The following DPP10 variants were observed in gnomAD, a reference collection of about 807,000 sequenced individuals.
DPP10 encodes the protein inactive dipeptidyl peptidase 10.
DPP10 carries 33 observed loss-of-function variants against 120.9 expected under a neutral mutation model. The ratio of observed to expected loss-of-function variants is 0.27; its 90% CI spans 0.21 to 0.37. The LOEUF (loss-of-function observed/expected upper bound fraction) is 0.37. Among genes scored for constraint, DPP10 ranks in the 10% least tolerant of loss-of-function variants. The pLI is 1.00. For synonymous variants in DPP10, 337 were observed against 326.1 expected, an observed-to-expected ratio of 1.03 and a Z score of -0.36; for missense variants, 816 against 942.8, an observed-to-expected ratio of 0.87 and a Z score of 1.76.
chr2:115,335,788 A>G (rs1443574415), intron 2 of DPP10, among the ~76,000 whole-genome samples: 1 of 152,042 alleles, frequency 6.6e-6, no homozygotes, highest in Non-Finnish European at 1.5e-5. Flanking sequence ...AGACTATCCC[A>G]TATGACACTA....
rs189597706 is a variant in DPP10, at chr2:115,105,968, T to G, written c.61-203271T>G. On this transcript the variant is annotated intron_variant, in intron 1 of 25. Transcript: ENST00000410059. Reference sequence around the variant, plus strand: ...AACACAAACCTTCTAATTTTTATTTTTTAATGTAACTTAGAGGCTTTAAGT... The same window carrying G: ...AACACAAACCTTCTAATTTTTATTTGTTAATGTAACTTAGAGGCTTTAAGT... Among the ~76,000 whole-genome samples the G allele has an allele frequency of 2.1e-4, 32 of 152,324 alleles. No individual in the cohort carries two copies. The East Asian group carries it at 6.2e-3, about 29-fold the overall frequency.
chr2:115,560,177 T>C (rs749428594), intron 5 of DPP10, among the ~76,000 whole-genome samples: 70 of 150,160 alleles, frequency 4.7e-4, no homozygotes, highest in Middle Eastern at 3.5e-3. Flanking sequence ...GAGACCATCC[T>C]GGCTAACACG....
intron 1 of DPP10, among the ~76,000 whole-genome samples, chr2:114,559,067 C>T (rs1353847388): frequency 2.6e-5 from 4 of 152,178 alleles, no homozygotes; most frequent in African/African-American, 4.8e-5. Context: ...TCCCCATGTC[C>T]CACATACACC....
At chr2:115,294,657 T>A (rs2060804433) in intron 1 of DPP10, among the ~76,000 whole-genome samples, 1 of 152,114 alleles carries the variant, frequency 6.6e-6, no homozygotes, top group South Asian at 2.1e-4. Flanking sequence ...ACCTTATCAA[T>A]TGTGACTATC....
intron 1 of DPP10, among the ~76,000 whole-genome samples, chr2:114,974,895 T>TA (rs1191961896): frequency 6.6e-6 from 1 of 151,864 alleles, no homozygotes; most frequent in Non-Finnish European, 1.5e-5. Flanking sequence ...TAATAATATA[T>TA]AAAAAATCTG....
intron 3 of DPP10, among the ~76,000 whole-genome samples, chr2:115,481,993 A>C (rs2075459564): frequency 6.6e-6 from 1 of 152,046 alleles, no homozygotes; most frequent in African/African-American, 2.4e-5. Flanking sequence ...AGTTGGTAAA[A>C]AGTTAAACTT....
At chr2:115,646,298 G>C (rs183732567) in intron 5 of DPP10, among the ~76,000 whole-genome samples, 2 of 152,244 alleles carry the variant, frequency 1.3e-5, no homozygotes, top group East Asian at 3.9e-4. Context: ...ATTAAAAATA[G>C]CATGTTCTAC....
intron 1 of DPP10, among the ~76,000 whole-genome samples, chr2:114,840,049 C>A (rs1036563348): frequency 6.6e-6 from 1 of 152,110 alleles, no homozygotes; most frequent in Non-Finnish European, 1.5e-5. Flanking sequence ...TAATATCTCT[C>A]CCCTCCACAA....
intron 1 of DPP10, among the ~76,000 whole-genome samples, chr2:114,574,355 C>T (rs1048963254): frequency 1.3e-5 from 2 of 152,154 alleles, no homozygotes; most frequent in Non-Finnish European, 1.5e-5. Flanking sequence ...CATCCCCGCC[C>T]TGCACAGCGT....
At chr2:115,669,005 A>G (rs1188494179) in intron 5 of DPP10, among the ~76,000 whole-genome samples, 3 of 151,796 alleles carry the variant, frequency 2.0e-5, no homozygotes, top group Admixed American at 1.3e-4. Context: ...TTTTTCTTCT[A>G]TTTCTCCTGA....
intron 1 of DPP10, among the ~76,000 whole-genome samples, chr2:115,173,260 A>G (rs1370848460): frequency 6.6e-6 from 1 of 152,206 alleles, no homozygotes; most frequent in Admixed American, 6.5e-5. Context: ...TTGAAAATAG[A>G]TAAATACAAT....
intron 1 of DPP10, among the ~76,000 whole-genome samples, chr2:114,830,861 G>A (rs1017098083): frequency 6.6e-6 from 1 of 151,714 alleles, no homozygotes; most frequent in African/African-American, 2.4e-5. Context: ...CATCAACCAA[G>A]TTGATTAGTC....
intron 17 of DPP10, among the ~76,000 whole-genome samples, chr2:115,786,376 T>C (rs1263516856): frequency 6.6e-6 from 1 of 152,240 alleles, no homozygotes; most frequent in Non-Finnish European, 1.5e-5. Context: ...AATTGGATTA[T>C]AACTCTTATG....
chr2:114,516,749 A>G (rs1415973154), intron 1 of DPP10, among the ~76,000 whole-genome samples: 1 of 152,224 alleles, frequency 6.6e-6, no homozygotes, highest in African/African-American at 2.4e-5. Flanking sequence ...AACTCAAAAG[A>G]GAGTATTTCA....
chr2:114,522,099 C>A (rs1685112514), intron 1 of DPP10, among the ~76,000 whole-genome samples: 1 of 148,722 alleles, frequency 6.7e-6, no homozygotes, highest in Admixed American at 6.7e-5. Flanking sequence ...CCTGCCTCAG[C>A]CTCCCAAGTA....
chr2:115,017,566 C>T (rs951949686), intron 1 of DPP10, among the ~76,000 whole-genome samples: 13 of 152,118 alleles, frequency 8.5e-5, no homozygotes, highest in South Asian at 2.1e-4. Context: ...ATGTTTATTG[C>T]GGCACTATTC....
chr2:114,836,524 C>T (rs1310238605), intron 1 of DPP10, among the ~76,000 whole-genome samples: 2 of 152,086 alleles, frequency 1.3e-5, no homozygotes, highest in African/African-American at 2.4e-5. Flanking sequence ...CACAAGAGAT[C>T]ACGTGGTTCA....
intron 1 of DPP10, among the ~76,000 whole-genome samples, chr2:114,572,017 T>A (rs911995764): frequency 4.7e-5 from 7 of 149,970 alleles, no homozygotes; most frequent in African/African-American, 1.5e-4. Flanking sequence ...ACATATATTG[T>A]GTATATGTAG....
intron 1 of DPP10, among the ~76,000 whole-genome samples, chr2:115,165,951 A>G (rs538830381): frequency 2.6e-5 from 4 of 152,244 alleles, no homozygotes; most frequent in African/African-American, 7.2e-5. Flanking sequence ...TAAAAAACCA[A>G]TCTCTTACAA....
Sources: allele counts gnomAD v4.1 joint callset (sites outside exome capture counted in the v4.1 genomes callset), GRCh38; gene constraint gnomAD v4.1.1; transcripts MANE v1.5; gene names NCBI Gene and HGNC (gene_info 2026-07-23, HGNC 2026-07-21).